The following GALNT5 variants were observed in gnomAD, a reference collection of about 807,000 sequenced individuals.
GALNT5 encodes polypeptide N-acetylgalactosaminyltransferase 5.
In GALNT5, 72 loss-of-function variants were observed where a neutral mutation model predicts 85.4. The ratio of observed to expected loss-of-function variants is 0.84; its 90% CI spans 0.70 to 1.03. The LOEUF is 1.03. Ranked by LOEUF, GALNT5 falls within the 50% of genes least tolerant of loss-of-function variation. The pLI is 0.00. For missense variants in GALNT5, 1,137 were observed against 1,135.5 expected (o/e 1.00, Z -0.02); for synonymous variants, 404 against 397.0 (o/e 1.02, Z -0.21).
chr2:157,286,853 G>A (rs1000122712), intron 3 of GALNT5, among the ~76,000 whole-genome samples: 2 of 151,352 alleles, frequency 1.3e-5, no homozygotes, highest in African/African-American at 4.9e-5. Context: ...GGTCTTCTTA[G>A]TCTGAAAAGT....
At chr2:157,298,782 GGAGT>G (rs1239885300) in intron 5 of GALNT5, 3 of 152,294 alleles carry the variant, frequency 2.0e-5, no homozygotes, top group African/African-American at 7.2e-5. Flanking sequence ...GCAGTACAGT[GGAGT>G]GAGTGGCACA....
intron 4 of GALNT5, among the ~76,000 whole-genome samples, 189 bp from the exon 5 acceptor site, chr2:157,296,205 A>G (rs547259964): frequency 6.6e-6 from 1 of 152,352 alleles, no homozygotes; most frequent in South Asian, 2.1e-4. Flanking sequence ...TTAAGCACAA[A>G]TAAGCCAATC....
rs549458322 is a variant in GALNT5, at chr2:157,312,875, T to C, written c.*1527T>C. The C allele has an allele frequency of 2.6e-5, 4 of 152,310 alleles. No homozygotes were observed. In the East Asian group the frequency reaches 7.7e-4, roughly 29 times the overall value. The allele number at this position is 152,310 out of a possible 1,614,324, so 9.4% of individuals were successfully genotyped here. A position where few individuals can be genotyped will look rare whatever the true frequency, so the allele number is the denominator to read the frequency against. The stretch of plus-strand genomic sequence containing the variant: ...ATACTATATTCTTGTTAATATGTTT[T>C]TTCTTTTTTTAAATTTAAACTTTTG... On this transcript the variant is annotated 3_prime_UTR_variant, in exon 10 of 10. Transcript: ENST00000259056.
At chr2:157,302,867 T>G (rs1412959269) in intron 7 of GALNT5, among the ~76,000 whole-genome samples, 1 of 152,240 alleles carries the variant, frequency 6.6e-6, no homozygotes, top group Non-Finnish European at 1.5e-5. Context: ...TTGTCTTCCT[T>G]AAACAAATTT....
chr2:157,305,677 T>C, intron 7 of GALNT5, 72 bp from the exon 8 acceptor site: 1 of 857,974 alleles, frequency 1.2e-6, no homozygotes. Flanking sequence ...TTCTGTATTT[T>C]CTAAATGTGT....
chr2:157,278,136 G>A (rs966590310), intron 1 of GALNT5, among the ~76,000 whole-genome samples: 10 of 152,202 alleles, frequency 6.6e-5, no homozygotes, highest in Admixed American at 5.2e-4. Context: ...CTTTAAGAAT[G>A]TTGAATTTTG....
At chr2:157,283,784 C>T (rs1050698842) in intron 1 of GALNT5, among the ~76,000 whole-genome samples, 6 of 152,228 alleles carry the variant, frequency 3.9e-5, no homozygotes, top group African/African-American at 1.4e-4. Context: ...GTGCCAGGAA[C>T]CCTGCTAGGC....
intron 7 of GALNT5, chr2:157,302,184 C>T (rs958574338): frequency 1.3e-5 from 2 of 152,124 alleles, no homozygotes; most frequent in African/African-American, 2.4e-5. Context: ...GTTATCCCGC[C>T]CTTTTAGGCC....
chr2:157,296,524 G>A lies in GALNT5; in HGVS notation c.1997+11G>A, dbSNP rs1683218279. 6.3e-7 allele frequency: 1 copy of A among 1,599,550 alleles called. No homozygotes were observed. Among genetic ancestry groups the A allele is most frequent in the Non-Finnish European group, 8.6e-7 (1 of 1,168,988 alleles). On this transcript the variant is annotated intron_variant, in intron 5 of 9. Coordinates refer to ENST00000259056, the MANE Select transcript of GALNT5 (RefSeq NM_014568.3). ...AACTGATACAATAAGGTAAGTGTGG[G>A]AAATTTAAGACTAGAAAGCAGTCAT...
chr2:157,274,459 CT>C (rs1332943416), intron 1 of GALNT5, among the ~76,000 whole-genome samples: 2 of 152,138 alleles, frequency 1.3e-5, no homozygotes, highest in Non-Finnish European at 2.9e-5. Context: ...GTGTAAAAGC[CT>C]TCCTATTTCT....
intron 8 of GALNT5, among the ~76,000 whole-genome samples, chr2:157,306,194 T>G (rs1446455037): frequency 6.6e-6 from 1 of 152,202 alleles, no homozygotes; most frequent in Admixed American, 6.5e-5. Context: ...ACCTAATGCT[T>G]ACTGCTCTGT....
intron 1 of GALNT5, among the ~76,000 whole-genome samples, chr2:157,271,212 G>C (rs1682577231): frequency 6.6e-6 from 1 of 152,210 alleles, no homozygotes; most frequent in Non-Finnish European, 1.5e-5. Context: ...ACATGGGAAG[G>C]GTAGCAAAAA....
At chr2:157,310,841 TG>T (rs1343946629) in intron 9 of GALNT5, among the ~76,000 whole-genome samples, 1 of 152,190 alleles carries the variant, frequency 6.6e-6, no homozygotes, top group Non-Finnish European at 1.5e-5. Flanking sequence ...ATTAACTTTT[TG>T]TTACGGTATG....
intron 1 of GALNT5, among the ~76,000 whole-genome samples, chr2:157,283,626 G>A (rs1363410250): frequency 6.6e-6 from 1 of 152,220 alleles, no homozygotes; most frequent in Non-Finnish European, 1.5e-5. Context: ...AAGCAGAATG[G>A]GAGAAAAGAA....
In GALNT5 at chr2:157,315,758, AG is replaced by A. The variant is rs1683688040; in HGVS notation, c.*4411del. ...CTTTCTCTGTGAATAATATTGAAAA[AG>A]CTCCATTTTCTGGGGAAATACCCAT... On this transcript the variant is annotated 3_prime_UTR_variant, in exon 10 of 10. Coordinates refer to ENST00000259056, the MANE Select transcript of GALNT5 (RefSeq NM_014568.3). 6.6e-6 allele frequency among the ~76,000 whole-genome samples: 1 copy of A among 152,156 alleles called. No individual in the cohort carries two copies. Among genetic ancestry groups the A allele is most frequent in the Non-Finnish European group, 1.5e-5 (1 of 68,030 alleles).
chr2:157,298,068 G>A (rs1299681677), intron 5 of GALNT5, among the ~76,000 whole-genome samples: 2 of 152,132 alleles, frequency 1.3e-5, no homozygotes, highest in Admixed American at 6.5e-5. Flanking sequence ...AAAGGTGCTT[G>A]CCATATAACA....
In GALNT5 at chr2:157,259,365, T is replaced by C; in HGVS notation, c.1283T>C (p.Val428Ala). The C allele has an allele frequency of 6.6e-7, 1 of 1,511,504 alleles. No individual in the cohort carries two copies. 93.6% of individuals were successfully genotyped at this position (1,511,504 alleles called of 1,614,324 possible). A position where few individuals can be genotyped will look rare whatever the true frequency, so the allele number is the denominator to read the frequency against. The change falls in exon 1 of 10, where the codon GTG becomes GCG. Residue 428 changes from valine (V) to alanine (A), a missense_variant. Coordinates refer to ENST00000259056, the MANE Select transcript of GALNT5 (RefSeq NM_014568.3). ...SGTHQVLRID[V>A]TLSPRDPKAP... ...ACGCACCAGGTGTTAAGAATTGATG[T>C]GACACTTTCTCCAAGGGACCCCAAA...
At position 157,290,112 on chromosome 2, in the gene GALNT5, T is replaced by TACACAC. The variant is rs1553462999; in HGVS notation, c.1741+3981_1741+3982insCACACA. ...GTATATATATATATATATATATATA[T>TACACAC]ACATACACAAACACATATATACATA... On this transcript the variant is annotated intron_variant, in intron 3 of 9. Transcript: ENST00000259056. Among the ~76,000 whole-genome samples the TACACAC allele has an allele frequency of 1.7e-3, 235 of 137,446 alleles. 1 individual carries two copies. Among genetic ancestry groups the TACACAC allele is most frequent in the African/African-American group, 6.2e-3 (198 of 31,908 alleles). The allele number at this position is 137,446 out of a possible 152,430, so 90.2% of individuals were successfully genotyped here. A position where few individuals can be genotyped will look rare whatever the true frequency, so the allele number is the denominator to read the frequency against.
intron 8 of GALNT5, 116 bp from the exon 9 acceptor site, chr2:157,308,451 T>C (rs1196800460): frequency 2.8e-6 from 2 of 706,076 alleles, no homozygotes; most frequent in African/African-American, 3.6e-5. Context: ...AGGACTTGAA[T>C]ATAAAATGTC....
Sources: gnomAD v4.1 joint callset for allele counts (sites outside exome capture counted in the v4.1 genomes callset) on GRCh38, gnomAD v4.1.1 for gene constraint, MANE v1.5 for transcripts, NCBI Gene and HGNC (gene_info 2026-07-23, HGNC 2026-07-21) for gene names.